ATP8B4: variants seen among roughly 807,000 people sequenced by gnomAD.
ATP8B4 encodes the protein probable phospholipid-transporting ATPase IM.
Under a neutral mutation model 145.6 loss-of-function variants are expected in ATP8B4, and 133 were observed. That is an observed-to-expected ratio of 0.91 (90% confidence interval 0.79 to 1.05). The LOEUF is 1.05. Among genes scored for constraint, ATP8B4 ranks in the 50% least tolerant of loss-of-function variants. The pLI is 0.00. For synonymous variants in ATP8B4, 507 were observed against 492.9 expected (o/e 1.03, Z -0.38); for missense variants, 1,458 against 1,425.2 (o/e 1.02, Z -0.37).
At chr15:49,889,912 C>T (rs993960101) in intron 23 of ATP8B4, among the ~76,000 whole-genome samples, 10 of 152,162 alleles carry the variant, frequency 6.6e-5, no homozygotes, top group East Asian at 3.8e-4. Flanking sequence ...GAGAGGTACA[C>T]GGAAGAATAT....
chr15:50,148,300 T>C (rs1259102777), intron 1 of ATP8B4, among the ~76,000 whole-genome samples: 1 of 152,152 alleles, frequency 6.6e-6, no homozygotes, highest in Admixed American at 6.5e-5. Context: ...ACATAAATAA[T>C]TATATTTAAT....
In ATP8B4 at chr15:49,968,395, C is replaced by T. The variant is rs2044753349; in HGVS notation, c.1243+4187G>A. On this transcript the variant is annotated intron_variant, in intron 13 of 27. Coordinates refer to ENST00000284509, the MANE Select transcript of ATP8B4 (RefSeq NM_024837.4). The stretch of plus-strand genomic sequence containing the variant: ...AGGAGAGCCATCTCATGTGCAAAGA[C>T]ACACATAGGCTCAAAATAAAGGGAT... 2.0e-5 allele frequency among the ~76,000 whole-genome samples: 3 copies of T among 150,292 alleles called. No individual in the cohort carries two copies. In the Admixed American group the frequency reaches 2.0e-4, roughly 10 times the overall value.
At chr15:50,178,518 G>C (rs1257773973) in intron 1 of ATP8B4, among the ~76,000 whole-genome samples, 2 of 152,074 alleles carry the variant, frequency 1.3e-5, no homozygotes, top group African/African-American at 4.8e-5. Context: ...GTGAGAATTT[G>C]TAAGATTATT....
rs528667191 is a variant in ATP8B4, at chr15:50,174,502, G to A, written c.-43+7759C>T. Among the ~76,000 whole-genome samples the A allele has an allele frequency of 6.8e-5, 10 of 146,992 alleles. 1 individual carries two copies. The highest frequency in any genetic ancestry group is 4.3e-4 in the South Asian group (2 of 4,672). ...AGTAGCTCTTCTACATACCAACAAC[G>A]ACCAAGCAGAGAATCAAATCAAGCA... On this transcript the variant is annotated intron_variant, in intron 1 of 3. Coordinates refer to the ATP8B4 transcript ENST00000558829.
chr15:50,017,326 T>G (rs969004924), intron 6 of ATP8B4, among the ~76,000 whole-genome samples: 1 of 152,226 alleles, frequency 6.6e-6, no homozygotes, highest in Admixed American at 6.5e-5. Flanking sequence ...TCACTGTTTC[T>G]GAAATCTTTC....
intron 2 of ATP8B4, among the ~76,000 whole-genome samples, chr15:50,085,032 A>C (rs1288821803): frequency 1.3e-5 from 2 of 150,980 alleles, no homozygotes; most frequent in East Asian, 2.0e-4. Context: ...CGCAAGTCTT[A>C]TCTCTCTCTC....
intron 6 of ATP8B4, among the ~76,000 whole-genome samples, chr15:50,035,709 G>GA (rs571673930): frequency 2.0e-5 from 3 of 152,166 alleles, no homozygotes; most frequent in Non-Finnish European, 4.4e-5. Flanking sequence ...AGCCCAGAAG[G>GA]AAAATCAATT....
intron 14 of ATP8B4, among the ~76,000 whole-genome samples, chr15:49,934,807 C>G (rs537147215): frequency 6.6e-6 from 1 of 152,174 alleles, no homozygotes; most frequent in African/African-American, 2.4e-5. Context: ...ATTTCAGGAG[C>G]AAGCCTACAG....
At chr15:49,977,214 G>A (rs1269554744) in intron 12 of ATP8B4, among the ~76,000 whole-genome samples, 2 of 152,016 alleles carry the variant, frequency 1.3e-5, no homozygotes. Context: ...AGAAGCTTTG[G>A]CAGAAGGTCT....
At chr15:50,066,818 C>T (rs771422448) in intron 3 of ATP8B4, among the ~76,000 whole-genome samples, 14 of 151,968 alleles carry the variant, frequency 9.2e-5, no homozygotes, top group Non-Finnish European at 1.5e-4. Context: ...TTCTGCCCTC[C>T]GACTTTTAAA....
intron 3 of ATP8B4, among the ~76,000 whole-genome samples, chr15:50,053,769 C>G (rs1476836456): frequency 6.6e-6 from 1 of 151,980 alleles, no homozygotes; most frequent in Non-Finnish European, 1.5e-5. Context: ...GTAAAAATGA[C>G]AAATTTTTCA....
intron 23 of ATP8B4, 149 bp downstream of exon 23, chr15:49,897,143 A>T: frequency 1.4e-6 from 1 of 700,578 alleles, no homozygotes; most frequent in Non-Finnish European, 2.3e-6. Context: ...CAAGTCAACT[A>T]TCAATTACAT....
intron 14 of ATP8B4, among the ~76,000 whole-genome samples, chr15:49,958,040 G>C (rs954983437): frequency 1.3e-5 from 2 of 151,246 alleles, no homozygotes; most frequent in Non-Finnish European, 3.0e-5. Flanking sequence ...AATTCTAAAA[G>C]GTAGAAACAA....
intron 20 of ATP8B4, among the ~76,000 whole-genome samples, chr15:49,904,990 C>T (rs986785040): frequency 2.0e-5 from 3 of 152,124 alleles, no homozygotes; most frequent in Non-Finnish European, 4.4e-5. Flanking sequence ...ATTAAATTCT[C>T]AGTCTGTTTT....
In ATP8B4 at chr15:49,930,353, G is replaced by C. The variant is rs186693646; in HGVS notation, c.1642+766C>G. ...GCTTTCAAGAGTAAAGAAGATTGTA[G>C]CAGTGTTGAGAACTTGAGGAAACAG... On this transcript the variant is annotated intron_variant, in intron 16 of 27. Transcript: ENST00000284509. Among the ~76,000 whole-genome samples the C allele has an allele frequency of 7.2e-5, 11 of 152,126 alleles. No homozygotes were observed. The East Asian group carries it at 1.6e-3, about 21-fold the overall frequency.
chr15:49,948,689 T>A (rs765151410), intron 14 of ATP8B4, among the ~76,000 whole-genome samples: 1 of 152,226 alleles, frequency 6.6e-6, no homozygotes, highest in Non-Finnish European at 1.5e-5. Flanking sequence ...TTGTAAATTA[T>A]GGATATTAGA....
chr15:50,127,550 A>C (rs2057315394), intron 1 of ATP8B4, among the ~76,000 whole-genome samples: 1 of 152,212 alleles, frequency 6.6e-6, no homozygotes, highest in Non-Finnish European at 1.5e-5. Context: ...GACCAGGCAA[A>C]GATTAGGCAA....
intron 2 of ATP8B4, among the ~76,000 whole-genome samples, chr15:50,102,931 G>A (rs960568223): frequency 1.2e-4 from 18 of 151,994 alleles, no homozygotes; most frequent in African/African-American, 4.1e-4. Context: ...ATGCAGGGAT[G>A]GTTTAACATA....
Position 49,965,518 on chromosome 15 carries a change from G to A in ATP8B4, c.1244-3498C>T, listed in dbSNP as rs760109021. 6.6e-5 allele frequency among the ~76,000 whole-genome samples: 10 copies of A among 152,194 alleles called. No homozygotes were observed. In the East Asian group the frequency reaches 7.7e-4, roughly 12 times the overall value. On this transcript the variant is annotated intron_variant, in intron 13 of 27. Coordinates refer to ENST00000284509, the MANE Select transcript of ATP8B4 (RefSeq NM_024837.4). ...AGGAACAATCTGCAAAACGGCCAGC[G>A]TTGGGGTGACAAGGGTCACATATAA... is the stretch of plus-strand genomic sequence containing the variant.
Sources: gnomAD v4.1 joint callset for allele counts (sites outside exome capture counted in the v4.1 genomes callset) on GRCh38, gnomAD v4.1.1 for gene constraint, MANE v1.5 for transcripts, NCBI Gene and HGNC (gene_info 2026-07-23, HGNC 2026-07-21) for gene names.